WNK2: variants seen among roughly 807,000 people sequenced by gnomAD.
WNK2 encodes the protein WNK lysine deficient protein kinase 2.
A neutral mutation model predicts 192.1 loss-of-function variants in WNK2; 67 were observed. That is an observed-to-expected ratio of 0.35 (90% confidence interval 0.29 to 0.43). WNK2 has a LOEUF of 0.43. Among genes scored for constraint, WNK2 ranks in the 20% least tolerant of loss-of-function variants. The probability of loss-of-function intolerance (pLI) is 1.00; values close to 1 mark genes in which losing one functional copy is unlikely to be tolerated. For synonymous variants in WNK2, 1,439 were observed against 1,393.9 expected, an observed-to-expected ratio of 1.03 and a Z score of -0.72; for missense variants, 2,698 against 3,089.7, an observed-to-expected ratio of 0.87 and a Z score of 3.01.
chr9:93,192,091 G>A (rs1204237004), intron 2 of WNK2, among the ~76,000 whole-genome samples: 8 of 150,598 alleles, frequency 5.3e-5, no homozygotes, highest in East Asian at 2.0e-4. Flanking sequence ...CGAGGTGGGC[G>A]GAACACGAGG....
chr9:93,259,083 C>T lies in WNK2; in HGVS notation c.2535C>T (p.Ala845=), dbSNP rs143998134. 50 of 1,613,080 alleles carry T rather than the reference C, an allele frequency of 3.1e-5. No individual in the cohort carries two copies. The highest frequency in any genetic ancestry group is 4.2e-5 in the Non-Finnish European group (49 of 1,179,760). ...SPAVILPSLA[A]PLPPASPALP... Reference sequence around the variant, plus strand: ...CCGTGATCTTGCCGAGCCTCGCTGCCCCACTCCCCCCTGCGTCCCCAGCCT... The same window carrying T: ...CCGTGATCTTGCCGAGCCTCGCTGCTCCACTCCCCCCTGCGTCCCCAGCCT... The change falls in exon 12 of 30, where the codon GCC becomes GCT. Residue 845 remains alanine (A), a synonymous_variant. Transcript: ENST00000427277. The surrounding 1 kb of genome is among the most constrained non-coding windows in gnomAD (Gnocchi z 4.8).
chr9:93,230,134 C>T (rs952485063), intron 3 of WNK2, among the ~76,000 whole-genome samples: 2 of 152,106 alleles, frequency 1.3e-5, no homozygotes, highest in Admixed American at 6.5e-5. Flanking sequence ...GCTCAGGACG[C>T]AGGCTGGGCG....
intron 16 of WNK2, among the ~76,000 whole-genome samples, chr9:93,264,570 C>A (rs905869532): frequency 1.3e-5 from 2 of 152,208 alleles, no homozygotes; most frequent in Non-Finnish European, 2.9e-5. Context: ...GTCCCCAGCA[C>A]CTGAGCCAGG....
In WNK2 at chr9:93,259,021, G is replaced by T. The variant is rs542691515; in HGVS notation, c.2473G>T (p.Val825Leu). 6.2e-7 allele frequency: 1 copy of T among 1,612,674 alleles called. No homozygotes were observed. Among genetic ancestry groups the T allele is most frequent in the African/African-American group, 1.3e-5 (1 of 74,780 alleles). ...PALPDLPTAT[V>L]PPVPPPQYFS... ...CCTCCCAGACCTGCCGACCGCGACT[G>T]TGCCTCCCGTGCCACCACCTCAGTA... The change falls in exon 12 of 30, where the codon GTG becomes TTG. Residue 825 changes from valine (V) to leucine (L), a missense_variant. Physicochemically the swap from Val to Leu is conservative, Grantham distance 32 (BLOSUM62 1). Coordinates refer to ENST00000427277, the MANE Select transcript of WNK2 (RefSeq NM_006648.4). This position sits in a 1 kb window ranked among gnomAD's most constrained non-coding sequence, Gnocchi z 4.8.
At chr9:93,230,761 T>C (rs1257248035) in intron 3 of WNK2, 127 bp from the exon 4 acceptor site, 2 of 870,130 alleles carry the variant, frequency 2.3e-6, no homozygotes, top group Non-Finnish European at 3.5e-6. Context: ...TCACTACCTG[T>C]CACGGGTATG....
chr9:93,264,614 A>T (rs1010390512), intron 16 of WNK2, among the ~76,000 whole-genome samples: 1 of 151,854 alleles, frequency 6.6e-6, no homozygotes, highest in African/African-American at 2.4e-5. Context: ...GCCCTCAGAA[A>T]CTCTCCAGCT....
intron 8 of WNK2, among the ~76,000 whole-genome samples, chr9:93,250,846 G>A (rs1421842433): frequency 6.8e-6 from 1 of 146,728 alleles, no homozygotes; most frequent in African/African-American, 2.6e-5. Flanking sequence ...GTGTGGTGGC[G>A]CAATCTCGGC....
At chr9:93,213,288 C>T (rs888210785) in intron 2 of WNK2, among the ~76,000 whole-genome samples, 8 of 152,192 alleles carry the variant, frequency 5.3e-5, no homozygotes, top group Non-Finnish European at 1.5e-5. Context: ...CTGAGTTGTG[C>T]TCATTCCACC....
intron 26 of WNK2, among the ~76,000 whole-genome samples, chr9:93,304,958 C>T (rs905843394): frequency 1.3e-5 from 2 of 152,182 alleles, no homozygotes; most frequent in Non-Finnish European, 2.9e-5. Context: ...GCCAGGGTTG[C>T]TCCCTGGCTC....
chr9:93,261,883 C>T lies in WNK2; in HGVS notation c.3136C>T (p.Pro1046Ser). Reference sequence around the variant, plus strand: ...TCAGGTCCCCACCGTGCCTGTGCCACCGGCTGCGGTCCTCTCGCCGCCTCT... The same window carrying T: ...TCAGGTCCCCACCGTGCCTGTGCCATCGGCTGCGGTCCTCTCGCCGCCTCT... ...AAQVPTVPVP[P>S]AAVLSPPLPE... The change falls in exon 13 of 30, where the codon CCG becomes TCG. Residue 1046 changes from proline to serine, a missense_variant. Physicochemically the swap from Pro to Ser is moderately conservative, Grantham distance 74. Transcript: ENST00000427277. The T allele has an allele frequency of 9.4e-6, 15 of 1,602,196 alleles. 1 individual carries two copies. The highest frequency in any genetic ancestry group is 1.2e-5 in the Non-Finnish European group (14 of 1,179,610).
At chr9:93,224,178 C>T (rs527281919) in intron 2 of WNK2, among the ~76,000 whole-genome samples, 1 of 152,220 alleles carries the variant, frequency 6.6e-6, no homozygotes, top group African/African-American at 2.4e-5. Context: ...CTCCTCTGCC[C>T]GAGTGTGCGT....
intron 19 of WNK2, among the ~76,000 whole-genome samples, chr9:93,274,298 G>C (rs535002831): frequency 1.4e-4 from 21 of 152,244 alleles, no homozygotes; most frequent in Non-Finnish European, 2.5e-4. Context: ...GGATCACGAC[G>C]TCAGGAGATC....
intron 12 of WNK2, 61 bp from the exon 13 acceptor site, chr9:93,261,753 A>C: frequency 6.5e-7 from 1 of 1,533,064 alleles, no homozygotes; most frequent in Non-Finnish European, 8.8e-7. Flanking sequence ...ACACCTGGGC[A>C]CGGCCCCCTC....
chr9:93,268,867 G>A (rs1251784707), intron 19 of WNK2, 121 bp downstream of exon 19: 3 of 1,573,570 alleles, frequency 1.9e-6, no homozygotes, highest in Admixed American at 3.7e-5. Flanking sequence ...ACCCTGCCCT[G>A]TCTCCCATGG....
At position 93,238,304 on chromosome 9, in the gene WNK2, C is replaced by T. The variant is rs1479076665; in HGVS notation, c.1305C>T (p.Cys435=). Residue 435 remains cysteine, a synonymous_variant, in exon 6 of 30, where the codon TGC becomes TGT. Transcript: ENST00000427277. ...EIKEIIGECI[C]KNKEERYEIK... The stretch of plus-strand genomic sequence containing the variant: ...AGGAGATTATTGGGGAGTGTATCTG[C>T]AAAAACAAGGAGGAAAGGTGAGTTC... 2 of 1,613,592 alleles carry T rather than the reference C, an allele frequency of 1.2e-6. No individual in the cohort carries two copies. The highest frequency in any genetic ancestry group is 2.2e-5 in the East Asian group (1 of 44,874).
rs756430954 is a variant in WNK2 at position 93,292,487 on chromosome 9, C to T, written c.5026-4C>T. The T allele has an allele frequency of 6.2e-7, 1 of 1,604,630 alleles. No homozygotes were observed. Among genetic ancestry groups the T allele is most frequent in the Non-Finnish European group, 8.5e-7 (1 of 1,174,110 alleles). On this transcript the variant is annotated splice_polypyrimidine_tract_variant and splice_region_variant and intron_variant, in intron 22 of 29. Coordinates refer to ENST00000427277, the MANE Select transcript of WNK2 (RefSeq NM_006648.4). ...AACCTCTTCATCTCCGCTTGTTTCCCAAGGATGTACCTGCTTTTGTGAGAC... is the reference window on the plus strand; with the variant it reads ...AACCTCTTCATCTCCGCTTGTTTCCTAAGGATGTACCTGCTTTTGTGAGAC...
In WNK2 at chr9:93,229,436, GT is replaced by G. The variant is rs1838360701; in HGVS notation, c.682-259del. Reference sequence around the variant, plus strand: ...GGAAAAAGTGCTCAAGTGTGGCCGTGTGGATTTGCGAGACCTCTTCGGCTTC... The same window carrying G: ...GGAAAAAGTGCTCAAGTGTGGCCGTGGGATTTGCGAGACCTCTTCGGCTTC... On this transcript the variant is annotated intron_variant, in intron 2 of 29. Coordinates refer to ENST00000427277, the MANE Select transcript of WNK2 (RefSeq NM_006648.4). This position sits in a 1 kb window ranked among gnomAD's most constrained non-coding sequence, Gnocchi z 4.9. Among the ~76,000 whole-genome samples the G allele has an allele frequency of 6.6e-6, 1 of 152,234 alleles. No homozygotes were observed. Among genetic ancestry groups the G allele is most frequent in the Non-Finnish European group, 1.5e-5 (1 of 68,044 alleles).
chr9:93,244,383 C>T (rs551195597), intron 7 of WNK2, among the ~76,000 whole-genome samples: 127 of 152,332 alleles, frequency 8.3e-4, no homozygotes, highest in Non-Finnish European at 1.5e-3. Context: ...TCCCAGCCAG[C>T]CCTCCCCTCC....
In WNK2 at chr9:93,320,553, A is replaced by T; in HGVS notation, c.*161A>T. On this transcript the variant is annotated 3_prime_UTR_variant, in exon 30 of 30. Coordinates refer to ENST00000427277, the MANE Select transcript of WNK2 (RefSeq NM_006648.4). ...CACAAATGTAATGCAAGAATAAAAA[A>T]TATTTTGGGGCAGAAAGGACTTTGG... 1.2e-6 allele frequency: 1 copy of T among 812,434 alleles called. No individual in the cohort carries two copies. Among genetic ancestry groups the T allele is most frequent in the Non-Finnish European group, 1.7e-6 (1 of 575,198 alleles). The allele number at this position is 812,434 out of a possible 1,614,324, so 50.3% of individuals were successfully genotyped here.
Sources: allele counts gnomAD v4.1 joint callset (sites outside exome capture counted in the v4.1 genomes callset), GRCh38; gene constraint gnomAD v4.1.1; non-coding constraint Gnocchi (gnomAD v3.1); transcripts MANE v1.5; gene names NCBI Gene and HGNC (gene_info 2026-07-23, HGNC 2026-07-21).